Variants in COL6A1 observed in about 807,000 individuals in gnomAD.
COL6A1 encodes collagen type VI alpha 1 chain.
Under a neutral mutation model 145.6 loss-of-function variants are expected in COL6A1, and 80 were observed. The ratio of observed to expected loss-of-function variants is 0.55; its 90% confidence interval spans 0.46 to 0.66. The LOEUF is 0.66. COL6A1 is among the 30% of genes least tolerant of loss of function. The pLI is 0.00. For synonymous variants in COL6A1, 638 were observed against 622.8 expected, an observed-to-expected ratio of 1.02 and a Z score of -0.36; for missense variants, 1,364 against 1,473.8, an observed-to-expected ratio of 0.93 and a Z score of 1.22.
intron 8 of COL6A1, among the ~76,000 whole-genome samples, chr21:45,988,752 A>G (rs1049666878): frequency 4.6e-5 from 7 of 151,978 alleles, no homozygotes; most frequent in African/African-American, 1.2e-4. Context: ...TCTCCTAAAA[A>G]CCATCAAACC....
At position 46,003,428 on chromosome 21, in the gene COL6A1, G is replaced by A. The variant is rs766784698; in HGVS notation, c.2502G>A (p.Leu834=). The change falls in exon 35 of 35, where the codon CTG becomes CTA. Residue 834 remains leucine (L), a synonymous_variant. Coordinates refer to ENST00000361866, the MANE Select transcript of COL6A1 (RefSeq NM_001848.3). ...FSSPADITIL[L]DGSASVGSHN... ...CCCCGGCTGACATCACCATCCTGCT[G>A]GACGGCTCCGCCAGCGTGGGCAGCC... 1 of 1,602,724 alleles carries A rather than the reference G, an allele frequency of 6.2e-7. No homozygotes were observed. Among genetic ancestry groups the A allele is most frequent in the South Asian group, 1.1e-5 (1 of 91,078 alleles).
chr21:45,992,390 G>A lies in COL6A1; in HGVS notation c.1264G>A (p.Gly422Arg), dbSNP rs774032338. Residue 422 changes from glycine to arginine, a missense_variant, in exon 18 of 35, where the codon GGG (glycine) becomes AGG (arginine). Physicochemically the swap from Gly to Arg is moderately radical, Grantham distance 125 (BLOSUM62 -2). This residue lies in a region of COL6A1 where 938 missense variants were observed against 1,003.8 expected (regional missense o/e 0.93). Transcript: ENST00000361866. The stretch of plus-strand genomic sequence containing the variant: ...GAACCCAGGACCTGACGGTGCCCCC[G>A]GGGAGCGGGTGAGTGGGGCAGGGGC... ...EGNPGPDGAP[G>R]ERGGPGERGP... is the part of the protein sequence containing the mutation. 8 of 1,613,156 alleles carry A rather than the reference G, an allele frequency of 5.0e-6. 1 individual carries two copies. Among genetic ancestry groups the A allele is most frequent in the Middle Eastern group, 3.3e-4 (2 of 6,084 alleles).
chr21:45,989,541 GC>G, intron 9 of COL6A1, 66 bp from the exon 10 acceptor site: 15 of 1,518,228 alleles, frequency 9.9e-6, no homozygotes, highest in Non-Finnish European at 1.4e-5. Context: ...GGGGTGTGGG[GC>G]TGGGTGGGAC....
chr21:45,997,640 G>A, intron 21 of COL6A1, 60 bp from the exon 22 acceptor site: 1 of 1,556,788 alleles, frequency 6.4e-7, no homozygotes, highest in Non-Finnish European at 8.7e-7. Context: ...GGAGGGCCCT[G>A]CTTCCCTCCA....
At chr21:45,984,191 G>A in intron 2 of COL6A1, 78 bp from the exon 3 acceptor site, 1 of 1,394,598 alleles carries the variant, frequency 7.2e-7, no homozygotes, top group South Asian at 1.2e-5. Context: ...GTCCATCTGG[G>A]TGACGTCGCG....
At position 46,002,215 on chromosome 21, in the gene COL6A1, C is replaced by T. The variant is rs1162051938; in HGVS notation, c.2067-3C>T. The T allele has an allele frequency of 6.3e-7, 1 of 1,599,710 alleles. No individual in the cohort carries two copies. The highest frequency in any genetic ancestry group is 1.1e-5 in the South Asian group (1 of 89,298). On this transcript the variant is annotated splice_polypyrimidine_tract_variant and splice_region_variant and intron_variant, in intron 31 of 34. Coordinates refer to ENST00000361866, the MANE Select transcript of COL6A1 (RefSeq NM_001848.3). ...CCGGCCCTTCCTGCCCTTTGCTATG[C>T]AGAGCCATCAAGAGCCTGCAGTGGA...
intron 30 of COL6A1, 71 bp from the exon 31 acceptor site, chr21:46,001,890 G>C: frequency 1.5e-6 from 2 of 1,378,698 alleles, no homozygotes; most frequent in Non-Finnish European, 1.0e-6. Context: ...GCAGCCAATA[G>C]AGTCACCCTT....
chr21:45,999,568 G>T, intron 26 of COL6A1, 89 bp from the exon 27 acceptor site: 1 of 1,432,526 alleles, frequency 7.0e-7, no homozygotes. Flanking sequence ...TTGATGAGGG[G>T]CAGGGCCCTG....
At chr21:45,986,423 C>T (rs997392065) in intron 3 of COL6A1, 103 bp from the exon 4 acceptor site, 36 of 1,169,822 alleles carry the variant, frequency 3.1e-5, no homozygotes, top group Non-Finnish European at 4.1e-5. Context: ...AGAGAGGCGG[C>T]TCCTCCCGGT....
At chr21:45,998,210 A>G in intron 23 of COL6A1, 39 bp downstream of exon 23, 1 of 1,607,204 alleles carries the variant, frequency 6.2e-7, no homozygotes, top group Non-Finnish European at 8.5e-7. Context: ...AACATGCCCA[A>G]GCTGCCTGCG....
At chr21:45,996,004 C>G (rs2077802954) in intron 20 of COL6A1, among the ~76,000 whole-genome samples, 1 of 152,248 alleles carries the variant, frequency 6.6e-6, no homozygotes, top group Non-Finnish European at 1.5e-5. Flanking sequence ...CCCTGCCCAG[C>G]ATGGGGCTCT....
chr21:45,981,959 CTTGGGG>C lies in COL6A1; in HGVS notation c.97+14_97+19del. 6.3e-7 allele frequency: 1 copy of C among 1,594,684 alleles called. No homozygotes were observed. Among genetic ancestry groups the C allele is most frequent in the Non-Finnish European group, 8.6e-7 (1 of 1,169,006 alleles). ...CGTGGCCTTCCAGGGTGAGTGGTGG[CTTGGGG>C]TGCAGGCTCCAGACCCCCCGCTCTT... On this transcript the variant is annotated intron_variant, in intron 1 of 34. Coordinates refer to ENST00000361866, the MANE Select transcript of COL6A1 (RefSeq NM_001848.3).
Position 46,000,635 on chromosome 21 carries a change from G to GC in COL6A1, c.1814-124_1814-123insC, listed in dbSNP as rs2077838319. The GC allele has an allele frequency of 1.3e-5, 18 of 1,386,076 alleles. No homozygotes were observed. The Admixed American group carries it at 3.0e-4, about 23-fold the overall frequency. The allele number at this position is 1,386,076 out of a possible 1,614,324, so 85.9% of individuals were successfully genotyped here. A position where few individuals can be genotyped will look rare whatever the true frequency, so the allele number is the denominator to read the frequency against. On this transcript the variant is annotated intron_variant, in intron 28 of 34. Transcript: ENST00000361866. Reference sequence around the variant, plus strand: ...GGAGGCGGGGCAGGAGGCCGGGGAAGGGGGGAGGCCGGGGAAGGAGGGCGG... The same window carrying GC: ...GGAGGCGGGGCAGGAGGCCGGGGAAGCGGGGGAGGCCGGGGAAGGAGGGCGG...
At position 45,984,354 on chromosome 21, in the gene COL6A1, C is replaced by T. The variant is rs532272312; in HGVS notation, c.313C>T (p.Arg105Cys). 11 of 1,612,602 alleles carry T rather than the reference C, an allele frequency of 6.8e-6. No individual in the cohort carries two copies. Among genetic ancestry groups the T allele is most frequent in the South Asian group, 2.2e-5 (2 of 91,058 alleles). The change falls in exon 3 of 35, where the codon CGC (arginine) becomes TGC (cysteine). Residue 105 changes from arginine (R) to cysteine (C), a missense_variant. Around this residue, in one of 3 missense-constraint regions of COL6A1, gnomAD observed 414 missense variants for 437.6 expected, o/e 0.95. Transcript: ENST00000361866. ...DEVEIIQGLT[R>C]MPGGRDALKS... is the part of the protein sequence containing the mutation. ...GGTGGAGATCATCCAAGGCCTCACGCGCATGCCTGGCGGCCGCGACGCACT... is the reference window on the plus strand; with the variant it reads ...GGTGGAGATCATCCAAGGCCTCACGTGCATGCCTGGCGGCCGCGACGCACT...
intron 4 of COL6A1, 65 bp downstream of exon 4, chr21:45,986,750 G>A: frequency 6.5e-7 from 1 of 1,530,040 alleles, no homozygotes; most frequent in Non-Finnish European, 8.8e-7. Context: ...AAGGCCCCCG[G>A]CAGCTGGGAC....
In COL6A1 at chr21:46,002,413, A is replaced by T; in HGVS notation, c.2250+12A>T. 2.5e-6 allele frequency: 4 copies of T among 1,605,620 alleles called. No homozygotes were observed. Among genetic ancestry groups the T allele is most frequent in the Non-Finnish European group, 2.5e-6 (3 of 1,176,478 alleles). ...GCCCCGGCATCCAGGTGGGGTGGCC[A>T]CCCCCAGGCTGCACCTGCCCCGCCT... On this transcript the variant is annotated intron_variant, in intron 32 of 34. Coordinates refer to ENST00000361866, the MANE Select transcript of COL6A1 (RefSeq NM_001848.3).
intron 27 of COL6A1, among the ~76,000 whole-genome samples, chr21:45,999,942 G>GGA (rs1569518900): frequency 1.7e-3 from 2 of 1,162 alleles, no homozygotes; most frequent in Admixed American, 0.011. Context: ...TCATGGGGGG[G>GGA]ACGTGTGAGG....
chr21:45,993,489 C>T (rs2077788087), intron 19 of COL6A1, among the ~76,000 whole-genome samples: 1 of 152,236 alleles, frequency 6.6e-6, no homozygotes, highest in African/African-American at 2.4e-5. Flanking sequence ...AGCTGCCAGG[C>T]CTCAGAGGCA....
chr21:45,981,868 T>C lies in COL6A1; in HGVS notation c.18T>C (p.Ala6=). ...CCCCAGACATGAGGGCGGCCCGTGC[T>C]CTGCTGCCCCTGCTGCTGCAGGCCT... is the stretch of plus-strand genomic sequence containing the variant. The part of the protein sequence containing the change: MRAAR[A]LLPLLLQACW... The change falls in exon 1 of 35, where the codon GCT becomes GCC. Residue 6 remains alanine, a synonymous_variant. Coordinates refer to ENST00000361866, the MANE Select transcript of COL6A1 (RefSeq NM_001848.3). 1 of 1,595,154 alleles carries C rather than the reference T, an allele frequency of 6.3e-7. No homozygotes were observed. The highest frequency in any genetic ancestry group is 8.5e-7 in the Non-Finnish European group (1 of 1,173,212).
Sources: allele counts gnomAD v4.1 joint callset (sites outside exome capture counted in the v4.1 genomes callset), GRCh38; gene constraint gnomAD v4.1.1; regional missense constraint gnomAD v4.1.1; transcripts MANE v1.5; gene names NCBI Gene and HGNC (gene_info 2026-07-23, HGNC 2026-07-21).